The following FGF12 variants were observed in gnomAD, a reference collection of about 807,000 sequenced individuals.
FGF12 encodes fibroblast growth factor 12B.
In FGF12, 14 loss-of-function variants were observed where a neutral mutation model predicts 23.6. That is an observed-to-expected ratio of 0.59 (90% CI 0.39 to 0.93). FGF12 has a LOEUF of 0.93. Ranked by LOEUF, FGF12 falls within the 40% of genes least tolerant of loss-of-function variation. The probability of loss-of-function intolerance (pLI) is 0.00; values close to 1 mark genes in which losing one functional copy is unlikely to be tolerated. For synonymous variants in FGF12, 62 were observed against 77.3 expected (o/e 0.80, Z 1.04); for missense variants, 175 against 217.8 (o/e 0.80, Z 1.24).
chr3:192,455,298 G>C (rs1722647304), intron 2 of FGF12, among the ~76,000 whole-genome samples: 1 of 152,162 alleles, frequency 6.6e-6, no homozygotes, highest in Non-Finnish European at 1.5e-5. Flanking sequence ...TGATGACTCT[G>C]TCACTCTAGT....
At chr3:192,320,707 G>A (rs565024362) in intron 4 of FGF12, among the ~76,000 whole-genome samples, 13 of 152,022 alleles carry the variant, frequency 8.6e-5, no homozygotes, top group African/African-American at 2.9e-4. Context: ...ATATGCTCCT[G>A]AATATTTCTT....
At chr3:192,473,616 G>A (rs1476841438) in intron 2 of FGF12, among the ~76,000 whole-genome samples, 4 of 152,090 alleles carry the variant, frequency 2.6e-5, no homozygotes, top group African/African-American at 9.7e-5. Flanking sequence ...GTAGTATTTT[G>A]GGTTACTGTC....
At chr3:192,445,824 C>A (rs1360724681) in intron 2 of FGF12, among the ~76,000 whole-genome samples, 1 of 152,202 alleles carries the variant, frequency 6.6e-6, no homozygotes, top group Non-Finnish European at 1.5e-5. Context: ...CCCACCTTCC[C>A]TAAAGTGGCA....
chr3:192,166,360 GT>G (rs1160925876), intron 5 of FGF12, among the ~76,000 whole-genome samples: 1 of 152,158 alleles, frequency 6.6e-6, no homozygotes, highest in Non-Finnish European at 1.5e-5. Context: ...TTTCTAAGGG[GT>G]AGGGATATAT....
intron 4 of FGF12, among the ~76,000 whole-genome samples, chr3:192,242,507 C>G (rs1338905234): frequency 1.3e-5 from 2 of 152,064 alleles, no homozygotes; most frequent in African/African-American, 2.4e-5. Flanking sequence ...GGAAGAAGCA[C>G]AAACACCCAA....
chr3:192,545,384 A>T (rs1331288273), intron 2 of FGF12, among the ~76,000 whole-genome samples: 5 of 152,214 alleles, frequency 3.3e-5, no homozygotes, highest in Non-Finnish European at 7.3e-5. Flanking sequence ...CATCACAAAT[A>T]ACAGTCTTCA....
At chr3:192,319,823 C>G (rs1164752676) in intron 4 of FGF12, among the ~76,000 whole-genome samples, 1 of 151,772 alleles carries the variant, frequency 6.6e-6, no homozygotes, top group Non-Finnish European at 1.5e-5. Context: ...TCACGGTAAC[C>G]TCAAGACAAA....
chr3:192,161,532 A>ACACACAT (rs1714882071), intron 5 of FGF12, among the ~76,000 whole-genome samples: 1 of 133,976 alleles, frequency 7.5e-6, no homozygotes, highest in Admixed American at 7.8e-5. Context: ...ACACACACAC[A>ACACACAT]CACATCACAT....
chr3:192,494,859 TAA>T (rs1485877565), intron 2 of FGF12, among the ~76,000 whole-genome samples: 2 of 130,430 alleles, frequency 1.5e-5, no homozygotes, highest in Admixed American at 7.5e-5. Flanking sequence ...TATATATATA[TAA>T]AATACATTTT....
At chr3:192,323,714 A>T (rs1716666344) in intron 4 of FGF12, among the ~76,000 whole-genome samples, 1 of 152,214 alleles carries the variant, frequency 6.6e-6, no homozygotes, top group Non-Finnish European at 1.5e-5. Flanking sequence ...ATTGTTTGTA[A>T]CACAAAGAAA....
chr3:192,445,804 A>C (rs1322194588), intron 2 of FGF12, among the ~76,000 whole-genome samples: 1 of 152,190 alleles, frequency 6.6e-6, no homozygotes, highest in African/African-American at 2.4e-5. Flanking sequence ...GGCCACCAGA[A>C]AACAAACCTC....
chr3:192,373,125 A>G (rs940820506), intron 2 of FGF12, among the ~76,000 whole-genome samples: 2 of 151,710 alleles, frequency 1.3e-5, no homozygotes, highest in South Asian at 2.1e-4. Flanking sequence ...CCTTCATTGC[A>G]CGTAGTCGAA....
chr3:192,508,085 T>C (rs542988183), intron 2 of FGF12, among the ~76,000 whole-genome samples: 1 of 152,184 alleles, frequency 6.6e-6, no homozygotes, highest in Non-Finnish European at 1.5e-5. Context: ...TTAAAGACCA[T>C]GCAATCGCAT....
intron 2 of FGF12, among the ~76,000 whole-genome samples, chr3:192,512,514 C>T (rs1577028688): frequency 1.3e-5 from 2 of 152,070 alleles, no homozygotes; most frequent in East Asian, 3.9e-4. Context: ...ATGCTTACAA[C>T]AATCTATTAG....
chr3:192,508,806 G>T (rs1724387959), intron 2 of FGF12, among the ~76,000 whole-genome samples: 7 of 152,032 alleles, frequency 4.6e-5, no homozygotes. Flanking sequence ...GCACTTCCTT[G>T]TGAACTCCTA....
intron 2 of FGF12, among the ~76,000 whole-genome samples, chr3:192,725,152 G>A (rs966175111): frequency 2.0e-5 from 3 of 152,190 alleles, no homozygotes; most frequent in African/African-American, 7.2e-5. Flanking sequence ...ATCGTTAGCT[G>A]TGCCATTTGC....
rs145313660 is a variant in FGF12, at chr3:192,542,366, T to C, written c.14-181828A>G. 3.3e-5 allele frequency among the ~76,000 whole-genome samples: 5 copies of C among 152,320 alleles called. No individual in the cohort carries two copies. The East Asian group carries it at 9.6e-4, about 29-fold the overall frequency. On this transcript the variant is annotated intron_variant, in intron 2 of 5. Coordinates refer to ENST00000445105, the MANE Select transcript of FGF12 (RefSeq NM_004113.6). ...TCTTTTTTAATTATTTGAATTCCTTTGTTAAATTTATCTGATGGCATTCTG... is the reference window on the plus strand; with the variant it reads ...TCTTTTTTAATTATTTGAATTCCTTCGTTAAATTTATCTGATGGCATTCTG...
intron 2 of FGF12, among the ~76,000 whole-genome samples, chr3:192,596,309 T>G (rs1488207158): frequency 1.3e-5 from 2 of 151,982 alleles, no homozygotes; most frequent in South Asian, 4.1e-4. Context: ...TGTCTACATT[T>G]TAACTTCTTT....
At chr3:192,490,208 G>C (rs137940073) in intron 2 of FGF12, among the ~76,000 whole-genome samples, 2,040 of 151,542 alleles carry the variant, frequency 0.013, 17 homozygotes, top group Non-Finnish European at 0.021. Flanking sequence ...TTCCACTTTA[G>C]CTCTCAAATA....
Sources: allele counts gnomAD v4.1 joint callset (sites outside exome capture counted in the v4.1 genomes callset), GRCh38; gene constraint gnomAD v4.1.1; transcripts MANE v1.5; gene names NCBI Gene and HGNC (gene_info 2026-07-23, HGNC 2026-07-21).